The following RSU1 variants were observed in gnomAD, a reference collection of about 807,000 sequenced individuals.
RSU1 encodes rsu-1.
RSU1 carries 26 observed loss-of-function variants against 31.1 expected under a neutral mutation model. That is an observed-to-expected ratio of 0.84 (90% CI 0.61 to 1.16). The LOEUF (loss-of-function observed/expected upper bound fraction) is 1.16. RSU1 is among the 50% of genes most tolerant of loss of function. The pLI is 0.00. For synonymous variants in RSU1, 164 were observed against 136.3 expected (o/e 1.20, Z -1.41); for missense variants, 320 against 339.1 (o/e 0.94, Z 0.44).
chr10:16,661,804 G>A (rs1834895578), intron 8 of RSU1, among the ~76,000 whole-genome samples: 1 of 152,234 alleles, frequency 6.6e-6, no homozygotes, highest in African/African-American at 2.4e-5. Context: ...TTCCTTACAT[G>A]GGCATTGCTA....
rs558997546 is a variant in RSU1, at chr10:16,778,515, A to G, written c.160+3519T>C. 5.3e-5 allele frequency among the ~76,000 whole-genome samples: 8 copies of G among 152,338 alleles called. No homozygotes were observed. The East Asian group carries it at 1.5e-3, about 29-fold the overall frequency. On this transcript the variant is annotated intron_variant, in intron 3 of 8. Transcript: ENST00000345264. ...AGAATATGAAATGATCCATGCTTCC[A>G]CAAAAGCTGACCATCTATTTGGAGA...
chr10:16,630,212 T>A (rs926432622), intron 8 of RSU1, among the ~76,000 whole-genome samples: 5 of 152,112 alleles, frequency 3.3e-5, no homozygotes, highest in Admixed American at 1.3e-4. Context: ...CTGGCCTTTG[T>A]TTACTTATTT....
chr10:16,784,896 T>C (rs1307591403), intron 2 of RSU1, among the ~76,000 whole-genome samples: 1 of 152,126 alleles, frequency 6.6e-6, no homozygotes, highest in Non-Finnish European at 1.5e-5. Flanking sequence ...AGCCAAACCA[T>C]ATCACATGGC....
At chr10:16,744,340 A>G (rs1434819704) in intron 7 of RSU1, among the ~76,000 whole-genome samples, 1 of 152,220 alleles carries the variant, frequency 6.6e-6, no homozygotes, top group African/African-American at 2.4e-5. Context: ...CACAACTGAT[A>G]TAACAAATGA....
chr10:16,634,419 G>A (rs1002742260), intron 8 of RSU1, among the ~76,000 whole-genome samples: 6 of 152,092 alleles, frequency 3.9e-5, no homozygotes, highest in Admixed American at 2.6e-4. Flanking sequence ...TGCATCTCCC[G>A]GTATTTGTTA....
intron 2 of RSU1, among the ~76,000 whole-genome samples, chr10:16,788,008 C>A (rs10904810): frequency 0.35 from 53,907 of 152,106 alleles, 11,823 homozygotes; most frequent in African/African-American, 0.63. Context: ...AGAAATCTCA[C>A]ACATTTTTAT....
At chr10:16,728,013 C>G (rs1270229929) in intron 7 of RSU1, among the ~76,000 whole-genome samples, 1 of 152,194 alleles carries the variant, frequency 6.6e-6, no homozygotes, top group Non-Finnish European at 1.5e-5. Context: ...AGAAAGAAAT[C>G]ACTTAGGGCT....
chr10:16,691,711 AGCT>A (rs1835554851), intron 8 of RSU1, among the ~76,000 whole-genome samples: 1 of 140,856 alleles, frequency 7.1e-6, no homozygotes, highest in Non-Finnish European at 1.5e-5. Context: ...TGCTTACTGA[AGCT>A]GCTGCTTCTT....
intron 2 of RSU1, among the ~76,000 whole-genome samples, chr10:16,806,830 T>C (rs1838279795): frequency 6.6e-6 from 1 of 152,326 alleles, no homozygotes; most frequent in Admixed American, 6.5e-5. Flanking sequence ...CTTAGCCCAC[T>C]GGAGCCTCTA....
chr10:16,718,039 A>C (rs1185155237), intron 7 of RSU1, among the ~76,000 whole-genome samples: 9 of 151,782 alleles, frequency 5.9e-5, no homozygotes, highest in Admixed American at 5.3e-4. Context: ...GAAAGAAAAC[A>C]ATCAACAAAC....
intron 8 of RSU1, among the ~76,000 whole-genome samples, chr10:16,638,439 C>CA (rs572243719): frequency 3.7e-4 from 56 of 151,848 alleles, no homozygotes; most frequent in African/African-American, 1.2e-3. Context: ...TTTATGAGTT[C>CA]AAAAAAAATC....
chr10:16,746,606 C>A (rs1046369595), intron 7 of RSU1, among the ~76,000 whole-genome samples: 3 of 150,340 alleles, frequency 2.0e-5, no homozygotes, highest in African/African-American at 7.3e-5. Flanking sequence ...TGAGAAAATG[C>A]AGAAATGGAA....
intron 7 of RSU1, among the ~76,000 whole-genome samples, chr10:16,736,784 A>G (rs772450977): frequency 2.6e-4 from 39 of 152,180 alleles, no homozygotes; most frequent in Non-Finnish European, 4.6e-4. Flanking sequence ...AAATATGTGC[A>G]AAGATTTAAA....
chr10:16,699,279 G>A (rs1011173111), intron 7 of RSU1, among the ~76,000 whole-genome samples: 19 of 152,144 alleles, frequency 1.2e-4, no homozygotes, highest in Non-Finnish European at 2.4e-4. Flanking sequence ...TTTCTGTAGC[G>A]CTGCAACCCT....
chr10:16,707,874 G>C (rs1191646124), intron 7 of RSU1, among the ~76,000 whole-genome samples: 1 of 151,922 alleles, frequency 6.6e-6, no homozygotes, highest in East Asian at 1.9e-4. Flanking sequence ...ATTTTAATCT[G>C]TTTTGATTTT....
chr10:16,607,075 A>G (rs780806961), intron 8 of RSU1, among the ~76,000 whole-genome samples: 3 of 152,164 alleles, frequency 2.0e-5, no homozygotes, highest in African/African-American at 7.2e-5. Context: ...GCGGTTTCTC[A>G]TGAATGGTTC....
At chr10:16,595,828 G>A (rs1288082796) in intron 8 of RSU1, among the ~76,000 whole-genome samples, 7 of 150,896 alleles carry the variant, frequency 4.6e-5, no homozygotes, top group African/African-American at 7.4e-5. Flanking sequence ...AATTAGCTGC[G>A]CATAGTGGTG....
At chr10:16,699,202 T>TG (rs1835738657) in intron 7 of RSU1, among the ~76,000 whole-genome samples, 1 of 152,242 alleles carries the variant, frequency 6.6e-6, no homozygotes, top group Admixed American at 6.5e-5. Context: ...GAACTGGGAC[T>TG]TGCTGTAATA....
intron 7 of RSU1, among the ~76,000 whole-genome samples, chr10:16,700,472 C>T (rs1292675949): frequency 2.0e-5 from 3 of 152,106 alleles, no homozygotes; most frequent in African/African-American, 7.2e-5. Context: ...CTCTTCTCTG[C>T]GGCGAATCCT....
Sources: gnomAD v4.1 joint callset for allele counts (sites outside exome capture counted in the v4.1 genomes callset) on GRCh38, gnomAD v4.1.1 for gene constraint, MANE v1.5 for transcripts, NCBI Gene and HGNC (gene_info 2026-07-23, HGNC 2026-07-21) for gene names.